EDIL3: variants seen among roughly 807,000 people sequenced by gnomAD.
EDIL3 encodes EGF like and discoidin domains 3.
A neutral mutation model predicts 67.4 loss-of-function variants in EDIL3; 37 were observed. The observed-to-expected ratio is 0.55, with a 90% confidence interval of 0.42 to 0.72. The LOEUF (loss-of-function observed/expected upper bound fraction) is 0.72. Among genes scored for constraint, EDIL3 ranks in the 30% least tolerant of loss-of-function variants. The pLI is 0.00. For missense variants in EDIL3, 527 were observed against 586.3 expected (o/e 0.90, Z 1.04); for synonymous variants, 195 against 196.3 (o/e 0.99, Z 0.05).
At chr5:84,112,208 C>G (rs1747577358) in intron 5 of EDIL3, among the ~76,000 whole-genome samples, 1 of 152,044 alleles carries the variant, frequency 6.6e-6, no homozygotes. Context: ...TTAGATCATT[C>G]CCACTGTGCC....
chr5:84,145,055 T>A (rs1226813771), intron 4 of EDIL3, among the ~76,000 whole-genome samples: 2 of 152,128 alleles, frequency 1.3e-5, no homozygotes, highest in African/African-American at 4.8e-5. Flanking sequence ...ATTGGATATA[T>A]CTGTAAATAG....
intron 2 of EDIL3, among the ~76,000 whole-genome samples, chr5:84,237,598 T>C (rs1200645365): frequency 6.6e-6 from 1 of 152,148 alleles, no homozygotes; most frequent in African/African-American, 2.4e-5. Context: ...GAGGTTTCAA[T>C]GAATAATCAG....
chr5:84,289,878 G>T (rs1745880093), intron 1 of EDIL3, among the ~76,000 whole-genome samples: 1 of 152,124 alleles, frequency 6.6e-6, no homozygotes, highest in Non-Finnish European at 1.5e-5. Context: ...TTAATGAAAT[G>T]AAAACATTAA....
At chr5:84,257,432 G>A (rs1311193835) in intron 1 of EDIL3, among the ~76,000 whole-genome samples, 3 of 151,986 alleles carry the variant, frequency 2.0e-5, no homozygotes, top group Admixed American at 1.3e-4. Context: ...TAATACACTC[G>A]AAATTTTCAT....
At chr5:83,975,054 C>G (rs1001706384) in intron 9 of EDIL3, among the ~76,000 whole-genome samples, 2 of 151,894 alleles carry the variant, frequency 1.3e-5, no homozygotes, top group East Asian at 3.9e-4. Context: ...TACGATGTGG[C>G]CTGAGTATTT....
At chr5:84,362,310 G>A (rs1276234475) in intron 1 of EDIL3, among the ~76,000 whole-genome samples, 1 of 152,002 alleles carries the variant, frequency 6.6e-6, no homozygotes, top group East Asian at 1.9e-4. Context: ...AGGAGAGTCA[G>A]GGAACTATTA....
At chr5:84,339,635 T>A (rs1747059662) in intron 1 of EDIL3, among the ~76,000 whole-genome samples, 1 of 152,106 alleles carries the variant, frequency 6.6e-6, no homozygotes, top group Non-Finnish European at 1.5e-5. Flanking sequence ...ACATTATATA[T>A]GCTGCTTTTA....
intron 9 of EDIL3, chr5:84,048,363 AC>A (rs1423582225): frequency 3.4e-6 from 1 of 296,260 alleles, no homozygotes; most frequent in Non-Finnish European, 6.8e-6. Flanking sequence ...TAAAAATCTG[AC>A]ATGGACTAAA....
intron 9 of EDIL3, among the ~76,000 whole-genome samples, chr5:84,004,319 T>C (rs1048491222): frequency 1.3e-5 from 2 of 152,100 alleles, no homozygotes; most frequent in Non-Finnish European, 2.9e-5. Flanking sequence ...CTTGACCAAA[T>C]GGACCTAACA....
In EDIL3 at chr5:84,064,940, G is replaced by A. The variant is rs369031704; in HGVS notation, c.808-96C>T. 1.2e-4 allele frequency: 165 copies of A among 1,392,076 alleles called. No homozygotes were observed. The African/African-American group carries it at 2.1e-3, about 18-fold the overall frequency. 86.2% of individuals were successfully genotyped at this position (1,392,076 alleles called of 1,614,324 possible). ...TATACCTTATCGAAAATAATTGTTC[G>A]AAGAACAGATTACATTATTTGGGAG... is the stretch of plus-strand genomic sequence containing the variant. On this transcript the variant is annotated intron_variant, in intron 7 of 10. Transcript: ENST00000296591.
At chr5:84,006,001 T>C (rs560672736) in intron 9 of EDIL3, among the ~76,000 whole-genome samples, 257 of 151,714 alleles carry the variant, frequency 1.7e-3, no homozygotes, top group Middle Eastern at 6.9e-3. Flanking sequence ...AATGTACAAA[T>C]ATCAGTAGCA....
intron 7 of EDIL3, among the ~76,000 whole-genome samples, chr5:84,065,237 T>C (rs543483290): frequency 6.6e-6 from 1 of 152,178 alleles, no homozygotes; most frequent in Admixed American, 6.5e-5. Flanking sequence ...ATCCAGTCTT[T>C]GCTACTGCTT....
intron 1 of EDIL3, among the ~76,000 whole-genome samples, chr5:84,305,918 A>AATAAATAAATAAATAG (rs1373583712): frequency 2.7e-5 from 4 of 149,716 alleles, no homozygotes; most frequent in Non-Finnish European, 5.9e-5. Flanking sequence ...TAAATAAATA[A>AATAAATAAATAAATAG]ATAGATAGAT....
At chr5:84,365,828 T>C (rs1429106745) in intron 1 of EDIL3, among the ~76,000 whole-genome samples, 2 of 152,166 alleles carry the variant, frequency 1.3e-5, no homozygotes, top group Non-Finnish European at 1.5e-5. Flanking sequence ...CAGATGTTTA[T>C]TGAGGACCTG....
chr5:84,053,088 C>G (rs1177716639), intron 9 of EDIL3, among the ~76,000 whole-genome samples: 1 of 152,140 alleles, frequency 6.6e-6, no homozygotes, highest in East Asian at 1.9e-4. Context: ...TGTAAAAGAA[C>G]AGAAATTATA....
chr5:84,279,222 G>C (rs182253795), intron 1 of EDIL3, among the ~76,000 whole-genome samples: 2 of 152,104 alleles, frequency 1.3e-5, no homozygotes, highest in Non-Finnish European at 2.9e-5. Flanking sequence ...CAGGAAGCAG[G>C]AATAATTCAA....
At chr5:84,047,452 T>C (rs1199283466) in intron 9 of EDIL3, among the ~76,000 whole-genome samples, 1 of 152,136 alleles carries the variant, frequency 6.6e-6, no homozygotes, top group African/African-American at 2.4e-5. Flanking sequence ...AGATGTGTTA[T>C]TCATTGTATA....
chr5:84,035,273 A>T (rs1050466871), intron 9 of EDIL3, among the ~76,000 whole-genome samples: 1 of 152,136 alleles, frequency 6.6e-6, no homozygotes, highest in African/African-American at 2.4e-5. Flanking sequence ...CTTAGCAAAG[A>T]TCCTGCTGAT....
At chr5:84,101,048 T>C (rs1213399994) in intron 6 of EDIL3, among the ~76,000 whole-genome samples, 1 of 152,112 alleles carries the variant, frequency 6.6e-6, no homozygotes, top group East Asian at 1.9e-4. Flanking sequence ...TGTGTAATCC[T>C]TTTAGAATTA....
Sources: gnomAD v4.1 joint callset for allele counts (sites outside exome capture counted in the v4.1 genomes callset) on GRCh38, gnomAD v4.1.1 for gene constraint, MANE v1.5 for transcripts, NCBI Gene and HGNC (gene_info 2026-07-23, HGNC 2026-07-21) for gene names.